The following CTNNA3 variants were observed in gnomAD, a reference collection of about 807,000 sequenced individuals.
CTNNA3 encodes catenin alpha 3.
A neutral mutation model predicts 95.7 loss-of-function variants in CTNNA3; 76 were observed. The ratio of observed to expected loss-of-function variants is 0.79; its 90% CI spans 0.66 to 0.96. The LOEUF (loss-of-function observed/expected upper bound fraction) is 0.96. CTNNA3 is among the 40% of genes least tolerant of loss of function. CTNNA3 has a pLI of 0.00. For synonymous variants in CTNNA3, 431 were observed against 374.4 expected, an observed-to-expected ratio of 1.15 and a Z score of -1.74; for missense variants, 1,191 against 1,089.8, an observed-to-expected ratio of 1.09 and a Z score of -1.31.
intron 7 of CTNNA3, among the ~76,000 whole-genome samples, chr10:67,121,981 CAAAAAAAAAA>C (rs370358378): frequency 2.3e-4 from 11 of 47,144 alleles, no homozygotes; most frequent in South Asian, 1.1e-3. Context: ...TTATTCTGAG[CAAAAAAAAAA>C]AAAAAAAAAA....
At chr10:67,716,300 T>G (rs1044494046) in intron 1 of CTNNA3, among the ~76,000 whole-genome samples, 2 of 152,182 alleles carry the variant, frequency 1.3e-5, no homozygotes, top group East Asian at 1.9e-4. Flanking sequence ...TAATTCTGAT[T>G]GTTGATAATG....
chr10:66,857,973 G>T (rs144080713), intron 7 of CTNNA3, among the ~76,000 whole-genome samples: 1 of 152,116 alleles, frequency 6.6e-6, no homozygotes, highest in African/African-American at 2.4e-5. Flanking sequence ...GGGCATCCTT[G>T]TCTTGTTCTA....
chr10:66,178,420 T>TAC (rs1477529886), intron 13 of CTNNA3, among the ~76,000 whole-genome samples: 9 of 68,734 alleles, frequency 1.3e-4, no homozygotes, highest in South Asian at 6.7e-4. Context: ...TATATATATA[T>TAC]ATATATATAT....
intron 7 of CTNNA3, among the ~76,000 whole-genome samples, chr10:67,124,886 T>C (rs779607074): frequency 3.9e-5 from 6 of 152,170 alleles, no homozygotes; most frequent in Non-Finnish European, 8.8e-5. Context: ...TTATCACCAA[T>C]AATGTTGGCA....
intron 13 of CTNNA3, among the ~76,000 whole-genome samples, chr10:66,191,011 G>C (rs959871290): frequency 6.6e-6 from 1 of 152,014 alleles, no homozygotes; most frequent in Non-Finnish European, 1.5e-5. Context: ...TATATTGAAT[G>C]CAAAAAGTGA....
chr10:66,901,910 C>T (rs1845762953), intron 7 of CTNNA3, among the ~76,000 whole-genome samples: 1 of 152,174 alleles, frequency 6.6e-6, no homozygotes, highest in Admixed American at 6.5e-5. Context: ...GAGACTTAGA[C>T]TCCCACACAA....
At chr10:66,415,150 A>C (rs147734951) in intron 11 of CTNNA3, among the ~76,000 whole-genome samples, 1 of 152,236 alleles carries the variant, frequency 6.6e-6, no homozygotes, top group East Asian at 1.9e-4. Context: ...CCTGACTACC[A>C]TGGCCAGTGC....
At chr10:67,704,414 G>A (rs1353793154) in intron 1 of CTNNA3, among the ~76,000 whole-genome samples, 1 of 152,166 alleles carries the variant, frequency 6.6e-6, no homozygotes, top group Non-Finnish European at 1.5e-5. Context: ...GCATGGTACT[G>A]GTACCAAAAC....
chr10:67,385,141 T>C (rs772555462), intron 5 of CTNNA3, among the ~76,000 whole-genome samples: 135 of 152,334 alleles, frequency 8.9e-4, no homozygotes, highest in Middle Eastern at 3.4e-3. Context: ...TTTTATATGC[T>C]ACTTTGTTGC....
chr10:67,182,939 T>A (rs370354396), intron 6 of CTNNA3, among the ~76,000 whole-genome samples: 2 of 152,056 alleles, frequency 1.3e-5, no homozygotes, highest in African/African-American at 4.8e-5. Context: ...CATGAAAAAA[T>A]GCTCATCATC....
intron 7 of CTNNA3, among the ~76,000 whole-genome samples, chr10:66,957,393 CATATATATAT>C (rs10532386): frequency 3.6e-5 from 3 of 83,156 alleles, no homozygotes; most frequent in African/African-American, 7.3e-5. Context: ...TATATATATA[CATATATATAT>C]ATATATATAT....
At chr10:66,487,064 G>A (rs1006646250) in intron 11 of CTNNA3, among the ~76,000 whole-genome samples, 3 of 151,860 alleles carry the variant, frequency 2.0e-5, no homozygotes, top group Admixed American at 6.6e-5. Context: ...ATGAGGTGTT[G>A]CCCAAAGGGC....
intron 12 of CTNNA3, among the ~76,000 whole-genome samples, chr10:66,302,165 AAAG>A (rs2091871715): frequency 6.6e-6 from 1 of 152,072 alleles, no homozygotes; most frequent in African/African-American, 2.4e-5. Flanking sequence ...GAAAGAATTC[AAAG>A]AAGATCTACA....
At chr10:67,492,989 A>T (rs1419382508) in intron 5 of CTNNA3, among the ~76,000 whole-genome samples, 1 of 152,188 alleles carries the variant, frequency 6.6e-6, no homozygotes, top group African/African-American at 2.4e-5. Flanking sequence ...ACAATTTTAA[A>T]CTGTTGGGAG....
intron 13 of CTNNA3, among the ~76,000 whole-genome samples, chr10:66,268,230 A>G (rs990529148): frequency 6.6e-6 from 1 of 152,072 alleles, no homozygotes; most frequent in Non-Finnish European, 1.5e-5. Context: ...CACTCTTTCC[A>G]TTGAAAGATG....
chr10:67,266,856 GTTAA>G (rs1275432970), intron 5 of CTNNA3, among the ~76,000 whole-genome samples: 5 of 152,282 alleles, frequency 3.3e-5, no homozygotes, highest in South Asian at 4.1e-4. Flanking sequence ...TAATGGATAT[GTTAA>G]TTAATTTGAT....
At chr10:66,891,442 T>G (rs908524575) in intron 7 of CTNNA3, among the ~76,000 whole-genome samples, 5 of 152,190 alleles carry the variant, frequency 3.3e-5, no homozygotes, top group Non-Finnish European at 7.3e-5. Context: ...TAAAACAGAA[T>G]TTTGAAGGAT....
At chr10:67,675,513 A>T (rs1840519419) in intron 1 of CTNNA3, among the ~76,000 whole-genome samples, 1 of 152,146 alleles carries the variant, frequency 6.6e-6, no homozygotes, top group Admixed American at 6.5e-5. Flanking sequence ...GGGCAAATGG[A>T]AACATTGAGT....
intron 17 of CTNNA3, among the ~76,000 whole-genome samples, chr10:65,952,155 T>C (rs2077630991): frequency 6.6e-6 from 1 of 152,140 alleles, no homozygotes; most frequent in South Asian, 2.1e-4. Flanking sequence ...CTGAATGCAT[T>C]GCACAATCAA....
Sources: allele counts gnomAD v4.1 joint callset (sites outside exome capture counted in the v4.1 genomes callset), GRCh38; gene constraint gnomAD v4.1.1; transcripts MANE v1.5; gene names NCBI Gene and HGNC (gene_info 2026-07-23, HGNC 2026-07-21).